The following NSUN4 variants were observed in gnomAD, a reference collection of about 807,000 sequenced individuals.
NSUN4 encodes NOP2/Sun RNA methyltransferase 4, also known as 5-cytosine rRNA methyltransferase NSUN4.
Under a neutral mutation model 43.8 loss-of-function variants are expected in NSUN4, and 31 were observed. That is an observed-to-expected ratio of 0.71 (90% CI 0.53 to 0.96). NSUN4 has a LOEUF of 0.96. Among genes scored for constraint, NSUN4 ranks in the 40% least tolerant of loss-of-function variants. The probability of loss-of-function intolerance (pLI) is 0.00; values close to 1 mark genes in which losing one functional copy is unlikely to be tolerated. For synonymous variants in NSUN4, 167 were observed against 184.1 expected, an observed-to-expected ratio of 0.91 and a Z score of 0.75; for missense variants, 439 against 475.6, an observed-to-expected ratio of 0.92 and a Z score of 0.72.
At chr1:46,352,147 T>TAA (rs35949811) in intron 3 of NSUN4, among the ~76,000 whole-genome samples, 30,179 of 135,406 alleles carry the variant, frequency 0.22, 3,687 homozygotes, top group Non-Finnish European at 0.29. Context: ...ACCCTGTCTT[T>TAA]AAAAAAAAAA....
intron 4 of NSUN4, among the ~76,000 whole-genome samples, chr1:46,359,184 C>T (rs7520482): frequency 0.22 from 34,050 of 151,752 alleles, 4,292 homozygotes; most frequent in Non-Finnish European, 0.29. Flanking sequence ...CGCTTGAACC[C>T]GGGAGGTGGA....
At chr1:46,359,743 T>C (rs1286971749) in intron 4 of NSUN4, among the ~76,000 whole-genome samples, 1 of 148,370 alleles carries the variant, frequency 6.7e-6, no homozygotes, top group African/African-American at 2.5e-5. Context: ...TAGCTGGGAC[T>C]ACAGGTGCAT....
chr1:46,381,432 G>T, the NSUN4 span, among the ~76,000 whole-genome samples: 3 of 152,112 alleles, frequency 2.0e-5, no homozygotes, highest in Non-Finnish European at 4.4e-5. Context: ...TGCTGCACTG[G>T]CCTCCAAACC....
At chr1:46,352,413 C>T (rs567476406) in intron 3 of NSUN4, among the ~76,000 whole-genome samples, 77 of 150,448 alleles carry the variant, frequency 5.1e-4, no homozygotes, top group African/African-American at 1.7e-3. Flanking sequence ...GAGTGTGCCA[C>T]TGAACTCCAG....
the NSUN4 span, among the ~76,000 whole-genome samples, chr1:46,373,572 A>G: frequency 6.6e-6 from 1 of 152,230 alleles, no homozygotes. Context: ...GGGCTAGAGC[A>G]TGAGCCAATC....
the NSUN4 span, among the ~76,000 whole-genome samples, chr1:46,371,829 G>T: frequency 6.6e-6 from 1 of 152,054 alleles, no homozygotes; most frequent in Non-Finnish European, 1.5e-5. Context: ...GGAGGTGGGC[G>T]GGGGGTGCCA....
At chr1:46,367,870 T>C (rs1664171750), downstream of NSUN4, among the ~76,000 whole-genome samples, 1 of 149,882 alleles carries the variant, frequency 6.7e-6, no homozygotes, top group Admixed American at 6.7e-5. Flanking sequence ...GCTCAAGTGA[T>C]CCTCCTGCCT....
chr1:46,374,305 A>AAAAAT, the NSUN4 span, among the ~76,000 whole-genome samples: 2 of 150,170 alleles, frequency 1.3e-5, no homozygotes, highest in African/African-American at 4.9e-5. Context: ...AAAAAAAAAA[A>AAAAAT]AAAAAAAATA....
intron 4 of NSUN4, among the ~76,000 whole-genome samples, chr1:46,359,540 C>T (rs991421425): frequency 1.3e-4 from 19 of 148,104 alleles, no homozygotes; most frequent in South Asian, 1.1e-3. Context: ...GCTGCCACCA[C>T]GCCCGGCTAA....
chr1:46,378,823 G>C, the NSUN4 span, among the ~76,000 whole-genome samples: 1 of 152,196 alleles, frequency 6.6e-6, no homozygotes, highest in African/African-American at 2.4e-5. Context: ...GCCTGACCAA[G>C]GGCAAATGGG....
intron 4 of NSUN4, among the ~76,000 whole-genome samples, chr1:46,358,989 G>A (rs1166554959): frequency 6.6e-6 from 1 of 152,052 alleles, no homozygotes; most frequent in African/African-American, 2.4e-5. Flanking sequence ...CAGGCATGAT[G>A]GCTCATGCCT....
chr1:46,347,203 C>T (rs1172807017), intron 3 of NSUN4, 128 bp downstream of exon 3: 22 of 951,890 alleles, frequency 2.3e-5, no homozygotes, highest in Middle Eastern at 3.4e-4. Flanking sequence ...TTTGGGAAGC[C>T]GAGGGAGGCG....
chr1:46,353,067 T>C, intron 4 of NSUN4, 39 bp downstream of exon 4: 2 of 1,598,564 alleles, frequency 1.3e-6, no homozygotes, highest in Non-Finnish European at 1.7e-6. Flanking sequence ...TCCAGCTTAA[T>C]GCGGCCTCCC....
chr1:46,345,100 C>G lies in NSUN4; in HGVS notation c.393C>G (p.Cys131Trp). The change falls in exon 2 of 6, where the codon TGC becomes TGG. Residue 131 changes from cysteine to tryptophan, a missense_variant. Physicochemically the swap from Cys to Trp is radical, Grantham distance 215. Coordinates refer to ENST00000474844, the MANE Select transcript of NSUN4 (RefSeq NM_199044.4). ...ASWACSPNLRCFTFDRGDISR... is the reference protein window; with the variant it reads ...ASWACSPNLRWFTFDRGDISR... ...GGGCCTGCAGTCCGAACCTTCGATGCTTCACTTTTGACAGAGGGGATATCA... is the reference window on the plus strand; with the variant it reads ...GGGCCTGCAGTCCGAACCTTCGATGGTTCACTTTTGACAGAGGGGATATCA... The G allele has an allele frequency of 6.2e-7, 1 of 1,613,686 alleles. No individual in the cohort carries two copies. The highest frequency in any genetic ancestry group is 8.5e-7 in the Non-Finnish European group (1 of 1,179,834).
At chr1:46,361,469 C>A (rs1557745144) in intron 5 of NSUN4, 101 bp from the exon 6 acceptor site, 1 of 1,055,130 alleles carries the variant, frequency 9.5e-7, no homozygotes, top group Non-Finnish European at 1.4e-6. Context: ...AGCTACCCAT[C>A]CTGTAGTAGC....
intron 4 of NSUN4, 91 bp downstream of exon 4, chr1:46,353,119 A>T (rs568953340): frequency 8.5e-7 from 1 of 1,176,792 alleles, no homozygotes; most frequent in East Asian, 2.4e-5. Context: ...TCCAGCCCCT[A>T]TGTTTGAGCA....
the NSUN4 span, among the ~76,000 whole-genome samples, chr1:46,383,111 G>T: frequency 1.3e-4 from 20 of 152,344 alleles, no homozygotes; most frequent in Admixed American, 6.5e-4. Context: ...AAGTACCCAG[G>T]ACTGGGACAG....
At chr1:46,374,724 C>A in the NSUN4 span, among the ~76,000 whole-genome samples, 1 of 151,920 alleles carries the variant, frequency 6.6e-6, no homozygotes, top group Admixed American at 6.6e-5. Flanking sequence ...TTTTAAGAGC[C>A]GATGGGCTTG....
chr1:46,349,362 G>A (rs1184790991), intron 3 of NSUN4, among the ~76,000 whole-genome samples: 2 of 151,898 alleles, frequency 1.3e-5, no homozygotes, highest in South Asian at 2.1e-4. Flanking sequence ...GGATGGTCTT[G>A]ATCTCCTGAC....
Sources: allele counts gnomAD v4.1 joint callset (sites outside exome capture counted in the v4.1 genomes callset), GRCh38; gene constraint gnomAD v4.1.1; transcripts MANE v1.5; gene names NCBI Gene and HGNC (gene_info 2026-07-23, HGNC 2026-07-21).